The following ULK2 variants were observed in gnomAD, a reference collection of about 807,000 sequenced individuals.
ULK2 encodes the protein serine/threonine-protein kinase ULK2.
In ULK2, 76 loss-of-function variants were observed where a neutral mutation model predicts 127.5. The observed-to-expected ratio is 0.60, with a 90% CI of 0.50 to 0.72. The LOEUF (loss-of-function observed/expected upper bound fraction) is 0.72. Ranked by LOEUF, ULK2 falls within the 30% of genes least tolerant of loss-of-function variation. ULK2 has a pLI of 0.00. For synonymous variants in ULK2, 452 were observed against 461.9 expected, an observed-to-expected ratio of 0.98 and a Z score of 0.28; for missense variants, 1,144 against 1,295.9, an observed-to-expected ratio of 0.88 and a Z score of 1.80.
chr17:19,804,044 T>C (rs1462251521), intron 15 of ULK2, among the ~76,000 whole-genome samples: 1 of 152,126 alleles, frequency 6.6e-6, no homozygotes, highest in Non-Finnish European at 1.5e-5. Context: ...CCTTCTGTTT[T>C]CCAGAAATTT....
rs1245977065 is a variant in ULK2 at position 19,846,784 on chromosome 17, T to C, written c.422A>G (p.Tyr141Cys). The stretch of plus-strand genomic sequence containing the variant: ...GACACTTGATTTTCTGCGATTGGCA[T>C]AGGACAGCAAGATGTTCTGTGGTTT... The part of the protein sequence containing the change: ...DLKPQNILLS[Y>C]ANRRKSSVSG... Residue 141 changes from tyrosine (Y) to cysteine (C), a missense_variant, in exon 6 of 27, where the codon TAT becomes TGT. Coordinates refer to ENST00000395544, the MANE Select transcript of ULK2 (RefSeq NM_014683.4). 2.1e-5 allele frequency: 34 copies of C among 1,613,520 alleles called. No homozygotes were observed. Among genetic ancestry groups the C allele is most frequent in the Non-Finnish European group, 2.7e-5 (32 of 1,179,818 alleles).
intron 3 of ULK2, among the ~76,000 whole-genome samples, chr17:19,854,469 C>T (rs2042082279): frequency 6.6e-6 from 1 of 151,820 alleles, no homozygotes; most frequent in Non-Finnish European, 1.5e-5. Flanking sequence ...CTAATCTGAC[C>T]CTGATTTGCT....
intron 4 of ULK2, 66 bp from the exon 5 acceptor site, chr17:19,849,471 C>T: frequency 7.0e-7 from 1 of 1,432,522 alleles, no homozygotes; most frequent in Non-Finnish European, 9.7e-7. Context: ...AATCCATTCT[C>T]AATTGTGATT....
intron 25 of ULK2, 65 bp from the exon 26 acceptor site, chr17:19,777,781 C>T: frequency 6.5e-7 from 1 of 1,540,168 alleles, no homozygotes; most frequent in Non-Finnish European, 8.7e-7. Flanking sequence ...TCCATTTGGG[C>T]AATGAAGCTT....
rs547841586 is a variant in ULK2 at position 19,806,136 on chromosome 17, A to G, written c.1158-1306T>C. ...ACAGCTTAACAGTACTTCACTAATC[A>G]GCTCTGGTGTCTGCAAGCCAGTGCA... On this transcript the variant is annotated intron_variant, in intron 14 of 26. Transcript: ENST00000395544. 3.9e-5 allele frequency among the ~76,000 whole-genome samples: 6 copies of G among 152,336 alleles called. No homozygotes were observed. In the East Asian group the frequency reaches 9.6e-4, roughly 24 times the overall value.
In ULK2 at chr17:19,781,969, C is replaced by T. The variant is rs199748957; in HGVS notation, c.2559G>A (p.Leu853=). 7.4e-6 allele frequency: 12 copies of T among 1,614,248 alleles called. No individual in the cohort carries two copies. The African/African-American group carries it at 1.3e-4, about 18-fold the overall frequency. ...GGTACAAGGACACAGCAGATGTGCA[C>T]AGCTCAGGGTTTCCTCCCCTCATGG... ...LTAMRGGNPE[L]CTSAVSLYQI... The change falls in exon 23 of 27, where the codon CTG becomes CTA. Residue 853 remains leucine, a synonymous_variant. Coordinates refer to ENST00000395544, the MANE Select transcript of ULK2 (RefSeq NM_014683.4).
rs559253177 is a variant in ULK2, at chr17:19,823,605, A to G, written c.924+1489T>C. Among the ~76,000 whole-genome samples the G allele has an allele frequency of 4.6e-5, 7 of 152,310 alleles. No homozygotes were observed. In the East Asian group the frequency reaches 9.6e-4, roughly 21 times the overall value. ...AGCCACAATTTATTGAGACTTTGCC[A>G]TGGCTAGGCACTTCCCACATCTTAC... On this transcript the variant is annotated intron_variant, in intron 12 of 26. Coordinates refer to ENST00000395544, the MANE Select transcript of ULK2 (RefSeq NM_014683.4).
intron 3 of ULK2, among the ~76,000 whole-genome samples, chr17:19,862,192 G>A (rs2042257100): frequency 6.6e-6 from 1 of 151,602 alleles, no homozygotes; most frequent in Non-Finnish European, 1.5e-5. Flanking sequence ...CGCCTCCCGG[G>A]TTCAAGTGAT....
intron 13 of ULK2, among the ~76,000 whole-genome samples, chr17:19,812,224 G>C (rs1597748418): frequency 1.3e-5 from 2 of 152,328 alleles, no homozygotes; most frequent in African/African-American, 2.4e-5. Context: ...GAAGCCGTTA[G>C]AATACAGTTC....
At chr17:19,819,000 C>G (rs1468069993) in intron 12 of ULK2, among the ~76,000 whole-genome samples, 1 of 151,920 alleles carries the variant, frequency 6.6e-6, no homozygotes, top group Non-Finnish European at 1.5e-5. Flanking sequence ...GGGGTTTCAC[C>G]ATCTTGGCCA....
chr17:19,795,934 C>A (rs1280846355), intron 19 of ULK2, among the ~76,000 whole-genome samples, 161 bp downstream of exon 19: 1 of 152,148 alleles, frequency 6.6e-6, no homozygotes, highest in East Asian at 1.9e-4. Flanking sequence ...CAGGAAGCAT[C>A]TGTGGTTTTC....
chr17:19,863,622 C>T (rs1232023720), intron 3 of ULK2, among the ~76,000 whole-genome samples: 2 of 151,962 alleles, frequency 1.3e-5, no homozygotes, highest in Admixed American at 6.6e-5. Flanking sequence ...CCTCAGCCTC[C>T]TGAGTAGCAA....
chr17:19,856,000 G>GT (rs2042118842), intron 3 of ULK2: 1 of 152,168 alleles, frequency 6.6e-6, no homozygotes, highest in Admixed American at 6.5e-5. Context: ...TCCAGCCTGA[G>GT]TAACAGAGTA....
At chr17:19,787,411 C>T (rs979953029) in intron 20 of ULK2, among the ~76,000 whole-genome samples, 2 of 152,162 alleles carry the variant, frequency 1.3e-5, no homozygotes, top group African/African-American at 4.8e-5. Flanking sequence ...CTCGGCCTTC[C>T]ACAGTGTTGG....
intron 12 of ULK2, among the ~76,000 whole-genome samples, chr17:19,824,239 G>A (rs932936188): frequency 1.3e-5 from 2 of 152,050 alleles, no homozygotes; most frequent in African/African-American, 4.8e-5. Context: ...GAGTTCAGGA[G>A]TTTCAGACCA....
chr17:19,788,689 T>G (rs1169365951), intron 20 of ULK2, among the ~76,000 whole-genome samples: 1 of 152,000 alleles, frequency 6.6e-6, no homozygotes, highest in African/African-American at 2.4e-5. Flanking sequence ...AGGCCTAGGC[T>G]CTTGGACATT....
intron 3 of ULK2, among the ~76,000 whole-genome samples, chr17:19,853,135 T>A (rs558330178): frequency 7.3e-4 from 104 of 141,872 alleles, no homozygotes; most frequent in Non-Finnish European, 1.4e-3. Flanking sequence ...TTAAATTTTT[T>A]TAATTTTTTT....
At chr17:19,850,242 G>GT (rs780167594) in intron 3 of ULK2, among the ~76,000 whole-genome samples, 2 of 152,092 alleles carry the variant, frequency 1.3e-5, no homozygotes, top group African/African-American at 4.8e-5. Flanking sequence ...AGGACGCCTG[G>GT]TTTTTTGTTT....
chr17:19,846,840 C>T lies in ULK2; in HGVS notation c.366G>A (p.Leu122=), dbSNP rs1379773385. 1 of 1,613,798 alleles carries T rather than the reference C, an allele frequency of 6.2e-7. No individual in the cohort carries two copies. The highest frequency in any genetic ancestry group is 8.5e-7 in the Non-Finnish European group (1 of 1,179,972). ...CTCTGTGGATGATTCCTTTGCTGTGCAGGATTCGCATGGCAGCAGCAATCT... is the reference window on the plus strand; with the variant it reads ...CTCTGTGGATGATTCCTTTGCTGTGTAGGATTCGCATGGCAGCAGCAATCT... ...LHQIAAAMRI[L]HSKGIIHRDL... The change falls in exon 6 of 27, where the codon CTG becomes CTA. Residue 122 remains leucine (L), a synonymous_variant. Coordinates refer to ENST00000395544, the MANE Select transcript of ULK2 (RefSeq NM_014683.4).
Sources: allele counts gnomAD v4.1 joint callset (sites outside exome capture counted in the v4.1 genomes callset), GRCh38; gene constraint gnomAD v4.1.1; transcripts MANE v1.5; gene names NCBI Gene and HGNC (gene_info 2026-07-23, HGNC 2026-07-21).